The following MCM3AP variants were observed in gnomAD, a reference collection of about 807,000 sequenced individuals.
MCM3AP encodes the protein germinal-center associated nuclear protein.
MCM3AP carries 126 observed loss-of-function variants against 184.1 expected under a neutral mutation model. That is an observed-to-expected ratio of 0.68 (90% CI 0.59 to 0.79). MCM3AP has a LOEUF of 0.79. MCM3AP is among the 30% of genes least tolerant of loss of function. The pLI is 0.00. For synonymous variants in MCM3AP, 1,002 were observed against 979.3 expected, an observed-to-expected ratio of 1.02 and a Z score of -0.43; for missense variants, 2,496 against 2,479.2, an observed-to-expected ratio of 1.01 and a Z score of -0.14.
chr21:46,279,861 C>G (rs998877051), intron 4 of MCM3AP, 132 bp downstream of exon 4: 2 of 864,692 alleles, frequency 2.3e-6, no homozygotes, highest in East Asian at 2.9e-5. Flanking sequence ...CCCTCCACCC[C>G]CAACCATCCC....
intron 9 of MCM3AP, among the ~76,000 whole-genome samples, chr21:46,268,666 C>A (rs950732386): frequency 1.3e-5 from 2 of 152,202 alleles, no homozygotes; most frequent in Non-Finnish European, 2.9e-5. Flanking sequence ...CACAGGGCTG[C>A]GGGGACAGGA....
intron 8 of MCM3AP, among the ~76,000 whole-genome samples, chr21:46,271,824 G>A (rs906470208): frequency 1.3e-5 from 2 of 151,866 alleles, no homozygotes; most frequent in African/African-American, 4.8e-5. Flanking sequence ...TCGCACTACT[G>A]TACTCCGGCC....
At chr21:46,251,778 A>G in intron 19 of MCM3AP, 96 bp from the exon 20 acceptor site, 1 of 712,132 alleles carries the variant, frequency 1.4e-6, no homozygotes, top group East Asian at 2.7e-5. Context: ...AAGAAAGAAA[A>G]ATATCACACA....
intron 24 of MCM3AP, 54 bp from the exon 25 acceptor site, chr21:46,242,985 CAAAAA>C (rs56371413): frequency 5.9e-6 from 6 of 1,020,150 alleles, no homozygotes; most frequent in African/African-American, 3.6e-5. Context: ...AACCCTGTCT[CAAAAA>C]AAAAAAAAAC....
intron 14 of MCM3AP, 23 bp downstream of exon 14, chr21:46,261,257 C>T (rs758348945): frequency 6.2e-7 from 1 of 1,612,990 alleles, no homozygotes; most frequent in African/African-American, 1.3e-5. Flanking sequence ...CCTTATTCGG[C>T]TGCATGGACA....
rs749722988 is a variant in MCM3AP at position 46,284,468 on chromosome 21, C to G, written c.819G>C (p.Gly273=). The G allele has an allele frequency of 1.2e-6, 2 of 1,614,062 alleles. No individual in the cohort carries two copies. Among genetic ancestry groups the G allele is most frequent in the Non-Finnish European group, 1.7e-6 (2 of 1,180,046 alleles). ...FQASKAGVRQ[G]CEEAVSQVEP... is the part of the protein sequence containing the mutation. ...CCACCTGGGAAACAGCTTCTTCACACCCCTGCCTGACACCTGCTTTGCTAG... is the reference window on the plus strand; with the variant it reads ...CCACCTGGGAAACAGCTTCTTCACAGCCCTGCCTGACACCTGCTTTGCTAG... The change falls in exon 1 of 28, where the codon GGG becomes GGC. Residue 273 remains glycine (G), a synonymous_variant. Coordinates refer to ENST00000291688, the MANE Select transcript of MCM3AP (RefSeq NM_003906.5).
intron 2 of MCM3AP, 122 bp from the exon 3 acceptor site, chr21:46,280,697 T>C (rs1601546971): frequency 1.5e-6 from 1 of 659,720 alleles, no homozygotes; most frequent in African/African-American, 1.8e-5. Flanking sequence ...TCCTGTCCTT[T>C]GCACGACAGT....
At chr21:46,266,842 G>T in intron 10 of MCM3AP, 140 bp downstream of exon 10, 3 of 896,236 alleles carry the variant, frequency 3.3e-6, no homozygotes, top group South Asian at 3.5e-5. Flanking sequence ...CAGCCATTCT[G>T]AGTCTCGTGT....
At chr21:46,275,886 T>C (rs935404324) in intron 5 of MCM3AP, among the ~76,000 whole-genome samples, 5 of 152,218 alleles carry the variant, frequency 3.3e-5, no homozygotes, top group African/African-American at 4.8e-5. Context: ...AGTTACAATG[T>C]AGCTTGCAAG....
intron 16 of MCM3AP, among the ~76,000 whole-genome samples, chr21:46,258,259 A>G (rs2839176): frequency 0.47 from 70,899 of 152,056 alleles, 16,769 homozygotes; most frequent in Admixed American, 0.51. Flanking sequence ...TCCAACTACC[A>G]AGGACACTAT....
rs747448656 is a variant in MCM3AP, at chr21:46,284,471, C to A, written c.816G>T (p.Gln272His). The A allele has an allele frequency of 1.2e-6, 2 of 1,614,190 alleles. No individual in the cohort carries two copies. The highest frequency in any genetic ancestry group is 2.2e-5 in the South Asian group (2 of 91,088). The change falls in exon 1 of 28, where the codon CAG becomes CAT. Residue 272 changes from glutamine (Q) to histidine (H), a missense_variant. This residue lies in a region of MCM3AP where 800 missense variants were observed against 717.1 expected (regional missense o/e 1.12). Coordinates refer to ENST00000291688, the MANE Select transcript of MCM3AP (RefSeq NM_003906.5). The part of the protein sequence containing the change: ...PFQASKAGVR[Q>H]GCEEAVSQVE... ...CCTGGGAAACAGCTTCTTCACACCC[C>A]TGCCTGACACCTGCTTTGCTAGCCT...
At chr21:46,279,846 C>T in intron 4 of MCM3AP, 147 bp downstream of exon 4, 11 of 700,406 alleles carry the variant, frequency 1.6e-5, no homozygotes, top group Non-Finnish European at 2.2e-5. Flanking sequence ...GGGCAGAGCC[C>T]CTGCCCCTCC....
chr21:46,237,178 T>C (rs974000672), intron 26 of MCM3AP, among the ~76,000 whole-genome samples, 199 bp from the exon 27 acceptor site: 1 of 149,398 alleles, frequency 6.7e-6, no homozygotes, highest in African/African-American at 2.5e-5. Context: ...CTCGGGTCAG[T>C]GCAACCTCTG....
At chr21:46,253,327 C>G (rs916834130) in intron 19 of MCM3AP, 1 of 152,198 alleles carries the variant, frequency 6.6e-6, no homozygotes, top group Admixed American at 6.5e-5. Flanking sequence ...TGAAGCAGGT[C>G]TATCAATGTA....
intron 16 of MCM3AP, among the ~76,000 whole-genome samples, chr21:46,258,722 T>C (rs1314546434): frequency 6.9e-6 from 1 of 144,882 alleles, no homozygotes; most frequent in Non-Finnish European, 1.5e-5. Context: ...CTCCTGACTT[T>C]TCCCCTTATA....
intron 6 of MCM3AP, 140 bp from the exon 7 acceptor site, chr21:46,273,725 TTC>T (rs1436537933): frequency 7.5e-6 from 5 of 667,278 alleles, no homozygotes; most frequent in South Asian, 3.9e-5. Context: ...AACATAAAAT[TTC>T]TGTTAAAAGG....
At chr21:46,242,511 C>CT (rs1194836073) in intron 25 of MCM3AP, 2 of 216,016 alleles carry the variant, frequency 9.3e-6, no homozygotes, top group Non-Finnish European at 1.8e-5. Context: ...TACTTGTGAA[C>CT]TTTTTTAGGT....
Position 46,283,600 on chromosome 21 carries a change from G to A in MCM3AP, c.1443+15C>T. ...TCAAATCTAGGGTAACAAATGGCAA[G>A]ATGGGAGTACTCACATGATCAAAGA... On this transcript the variant is annotated intron_variant, in intron 2 of 27. Coordinates refer to ENST00000291688, the MANE Select transcript of MCM3AP (RefSeq NM_003906.5). The A allele has an allele frequency of 6.4e-7, 1 of 1,567,510 alleles. No homozygotes were observed. Among genetic ancestry groups the A allele is most frequent in the Non-Finnish European group, 8.8e-7 (1 of 1,138,258 alleles).
At chr21:46,256,557 C>G (rs193000408) in intron 17 of MCM3AP, 147 of 571,996 alleles carry the variant, frequency 2.6e-4, no homozygotes, top group African/African-American at 2.1e-3. Context: ...CTGAGTCTTT[C>G]AAGGTGAACT....
Sources: gnomAD v4.1 joint callset for allele counts (sites outside exome capture counted in the v4.1 genomes callset) on GRCh38, gnomAD v4.1.1 for gene constraint, gnomAD v4.1.1 regional missense constraint, MANE v1.5 for transcripts, NCBI Gene and HGNC (gene_info 2026-07-23, HGNC 2026-07-21) for gene names.